The following ATP6V1E1 variants were observed in gnomAD, a reference collection of about 807,000 sequenced individuals.
ATP6V1E1 encodes ATPase H+ transporting V1 subunit E1.
In ATP6V1E1, 21 loss-of-function variants were observed where a neutral mutation model predicts 35.2. The observed-to-expected ratio is 0.60, with a 90% CI of 0.42 to 0.86. The LOEUF (loss-of-function observed/expected upper bound fraction) is 0.86. Ranked by LOEUF, ATP6V1E1 falls within the 40% of genes least tolerant of loss-of-function variation. The pLI is 0.00. For synonymous variants in ATP6V1E1, 83 were observed against 87.8 expected (o/e 0.95, Z 0.30); for missense variants, 183 against 272.6 (o/e 0.67, Z 2.32).
chr22:17,598,122 A>G, intron 7 of ATP6V1E1, 72 bp downstream of exon 7: 1 of 1,200,398 alleles, frequency 8.3e-7, no homozygotes, highest in Non-Finnish European at 1.2e-6. Flanking sequence ...AATACCATTT[A>G]AAAAAGGCCT....
At chr22:17,618,781 T>G (rs968565161) in intron 2 of ATP6V1E1, among the ~76,000 whole-genome samples, 1 of 149,224 alleles carries the variant, frequency 6.7e-6, no homozygotes, top group Non-Finnish European at 1.5e-5. Context: ...GGGTGGATCA[T>G]CTGAGGTCAG....
chr22:17,592,537 G>T lies in ATP6V1E1; in HGVS notation c.*137C>A. 1 of 890,866 alleles carries T rather than the reference G, an allele frequency of 1.1e-6. No homozygotes were observed. Among genetic ancestry groups the T allele is most frequent in the Non-Finnish European group, 1.8e-6 (1 of 554,858 alleles). 55.2% of individuals were successfully genotyped at this position (890,866 alleles called of 1,614,324 possible). On this transcript the variant is annotated 3_prime_UTR_variant, in exon 9 of 9. Coordinates refer to ENST00000253413, the MANE Select transcript of ATP6V1E1 (RefSeq NM_001696.4). ...ACAATTAGGCAAGGCATGAGTGACA[G>T]AGGGGCATCGCTGATAAATACAGAG...
rs771353650 is a variant in ATP6V1E1, at chr22:17,619,534, GA to G, written c.34-9del. The G allele has an allele frequency of 9.6e-6, 15 of 1,567,138 alleles. No homozygotes were observed. The highest frequency in any genetic ancestry group is 6.0e-5 in the South Asian group (5 of 83,840). ...AGCCATCATATGCTTTATCTATAAG[GA>G]AAAAAAGTTTTATTTTTTAGTTCAA... On this transcript the variant is annotated splice_polypyrimidine_tract_variant and intron_variant, in intron 1 of 8. Coordinates refer to ENST00000253413, the MANE Select transcript of ATP6V1E1 (RefSeq NM_001696.4).
chr22:17,605,568 G>A (rs114199944), intron 4 of ATP6V1E1, among the ~76,000 whole-genome samples: 79 of 152,144 alleles, frequency 5.2e-4, no homozygotes, highest in African/African-American at 1.9e-3. Flanking sequence ...TAAGTTTTGC[G>A]GTTTGGGGAA....
intron 4 of ATP6V1E1, among the ~76,000 whole-genome samples, chr22:17,601,665 T>C (rs922415607): frequency 6.6e-6 from 1 of 152,334 alleles, no homozygotes; most frequent in Middle Eastern, 3.4e-3. Context: ...TGGAGTGCAA[T>C]GGTGCAATCT....
intron 4 of ATP6V1E1, among the ~76,000 whole-genome samples, chr22:17,609,163 CT>C (rs76589377): frequency 1.3e-5 from 2 of 151,156 alleles, no homozygotes; most frequent in African/African-American, 4.9e-5. Context: ...ACTGCACTTC[CT>C]TTTTTTTCCT....
intron 2 of ATP6V1E1, among the ~76,000 whole-genome samples, chr22:17,616,076 G>T (rs1246373276): frequency 1.3e-5 from 2 of 151,508 alleles, no homozygotes; most frequent in Non-Finnish European, 2.9e-5. Flanking sequence ...AGCCGGGCGT[G>T]GTGGCTCACG....
Position 17,626,323 on chromosome 22 carries a change from A to AG in ATP6V1E1, c.33+2279_33+2280insC, listed in dbSNP as rs1370227490. On this transcript the variant is annotated intron_variant, in intron 1 of 8. Transcript: ENST00000253413. ...ACTTCGTCTCAAAAAAAAAAAAAAAAAAAAAGAAAGAAAAGAAAAAGCGGT... is the reference window on the plus strand; with the variant it reads ...ACTTCGTCTCAAAAAAAAAAAAAAAAGAAAAAGAAAGAAAAGAAAAAGCGGT... Among the ~76,000 whole-genome samples the AG allele has an allele frequency of 4.2e-3, 633 of 148,944 alleles. 7 individuals carry two copies. The highest frequency in any genetic ancestry group is 0.015 in the African/African-American group (617 of 39,924).
intron 4 of ATP6V1E1, among the ~76,000 whole-genome samples, chr22:17,610,574 CT>C (rs1045042354): frequency 1.3e-5 from 2 of 152,196 alleles, no homozygotes; most frequent in African/African-American, 4.8e-5. Flanking sequence ...AGACTATAAT[CT>C]TTTGCTATAA....
At chr22:17,614,947 A>T (rs995491741) in intron 2 of ATP6V1E1, among the ~76,000 whole-genome samples, 26 of 139,650 alleles carry the variant, frequency 1.9e-4, no homozygotes, top group Non-Finnish European at 3.1e-5. Context: ...AGAGCGAGAC[A>T]CCGTTTCAAA....
intron 4 of ATP6V1E1, among the ~76,000 whole-genome samples, chr22:17,611,985 CT>C (rs2057817978): frequency 6.6e-6 from 1 of 152,154 alleles, no homozygotes. Context: ...GAGAGATCTA[CT>C]TTTTATTTTA....
chr22:17,602,806 T>C (rs2057768226), intron 4 of ATP6V1E1, among the ~76,000 whole-genome samples: 1 of 152,232 alleles, frequency 6.6e-6, no homozygotes. Flanking sequence ...ATACATACTC[T>C]GTCCCTAAAA....
chr22:17,604,184 C>T (rs544262080), intron 4 of ATP6V1E1, among the ~76,000 whole-genome samples: 1 of 149,966 alleles, frequency 6.7e-6, no homozygotes, highest in Non-Finnish European at 1.5e-5. Context: ...CAATAATTAC[C>T]ATCCGTGTGA....
rs757782602 is a variant in ATP6V1E1 at position 17,619,485 on chromosome 22, C to T, written c.75G>A (p.Glu25=). ...CCTTTGCATCTATTTCTTCTGCTTTCTCATTGGCTTCTTGTTCAATGAAAG... is the reference window on the plus strand; with the variant it reads ...CCTTTGCATCTATTTCTTCTGCTTTTTCATTGGCTTCTTGTTCAATGAAAG... ...MMAFIEQEAN[E]KAEEIDAKAE... The change falls in exon 2 of 9, where the codon GAG becomes GAA. Residue 25 remains glutamate (E), a synonymous_variant. Transcript: ENST00000253413. 9 of 1,605,782 alleles carry T rather than the reference C, an allele frequency of 5.6e-6. No homozygotes were observed. Among genetic ancestry groups the T allele is most frequent in the Admixed American group, 3.4e-5 (2 of 59,054 alleles).
At chr22:17,617,912 C>T (rs918065719) in intron 2 of ATP6V1E1, among the ~76,000 whole-genome samples, 1 of 152,054 alleles carries the variant, frequency 6.6e-6, no homozygotes, top group Non-Finnish European at 1.5e-5. Context: ...TGGGATCAAG[C>T]GATTCTCCCG....
chr22:17,618,987 G>A (rs935839590), intron 2 of ATP6V1E1: 8 of 453,044 alleles, frequency 1.8e-5, no homozygotes, highest in Admixed American at 1.4e-4. Flanking sequence ...GTGACGAAGC[G>A]AGACTGTCTC....
intron 4 of ATP6V1E1, among the ~76,000 whole-genome samples, chr22:17,603,910 C>G (rs191325958): frequency 1.3e-5 from 2 of 152,278 alleles, no homozygotes; most frequent in East Asian, 3.9e-4. Context: ...CAGGGATAGA[C>G]AGCCTGAGTA....
At chr22:17,624,769 T>G (rs1270940004) in intron 1 of ATP6V1E1, among the ~76,000 whole-genome samples, 1 of 151,732 alleles carries the variant, frequency 6.6e-6, no homozygotes, top group African/African-American at 2.4e-5. Context: ...TGCAGCAAGC[T>G]GAGATCGCGC....
chr22:17,623,489 G>A (rs535798891), intron 1 of ATP6V1E1, among the ~76,000 whole-genome samples: 35 of 152,162 alleles, frequency 2.3e-4, no homozygotes, highest in African/African-American at 7.7e-4. Flanking sequence ...TGACCAACAT[G>A]GTGAAACCTG....
Sources: allele counts gnomAD v4.1 joint callset (sites outside exome capture counted in the v4.1 genomes callset), GRCh38; gene constraint gnomAD v4.1.1; transcripts MANE v1.5; gene names NCBI Gene and HGNC (gene_info 2026-07-23, HGNC 2026-07-21).